PIK3C2G: variants seen among roughly 807,000 people sequenced by gnomAD.
PIK3C2G encodes phosphatidylinositol 3-kinase C2 domain-containing subunit gamma.
PIK3C2G carries 168 observed loss-of-function variants against 181.1 expected under a neutral mutation model. The observed-to-expected ratio is 0.93, with a 90% CI of 0.82 to 1.05. The LOEUF (loss-of-function observed/expected upper bound fraction) is 1.05. Among genes scored for constraint, PIK3C2G ranks in the 50% least tolerant of loss-of-function variants. The pLI, the probability that PIK3C2G is intolerant of heterozygous loss-of-function variation, is 0.00. For missense variants in PIK3C2G, 1,869 were observed against 1,732.8 expected, an observed-to-expected ratio of 1.08 and a Z score of -1.40; for synonymous variants, 573 against 592.2, an observed-to-expected ratio of 0.97 and a Z score of 0.47.
At chr12:18,507,109 A>T (rs1941885188) in intron 24 of PIK3C2G, among the ~76,000 whole-genome samples, 1 of 151,780 alleles carries the variant, frequency 6.6e-6, no homozygotes, top group African/African-American at 2.4e-5. Flanking sequence ...GGATGACTGC[A>T]ACCTCTACCT....
At position 18,647,932 on chromosome 12, in the gene PIK3C2G, G is replaced by A. The variant is rs575019591; in HGVS notation, c.4365G>A (p.Lys1455=). The A allele has an allele frequency of 1.1e-5, 17 of 1,599,022 alleles. No homozygotes were observed. The highest frequency in any genetic ancestry group is 1.4e-5 in the Non-Finnish European group (16 of 1,170,566). Residue 1455 remains lysine (K), a synonymous_variant, in exon 33 of 33, where the codon AAG becomes AAA. Transcript: ENST00000538779. ...GACATGTCTTAATGCTTATTGTGAA[G>A]AGTAAAACTGTATTTGTGGGAGCAA... ...LQGHVLMLIV[K]SKTVFVGAIN...
chr12:18,566,378 T>C (rs2136350452), intron 28 of PIK3C2G, among the ~76,000 whole-genome samples: 1 of 152,294 alleles, frequency 6.6e-6, no homozygotes, highest in African/African-American at 2.4e-5. Context: ...CCATTACCAG[T>C]CATCCCACCT....
intron 26 of PIK3C2G, among the ~76,000 whole-genome samples, chr12:18,554,405 T>C (rs575176333): frequency 2.5e-4 from 38 of 152,230 alleles, no homozygotes; most frequent in Admixed American, 7.2e-4. Context: ...AGGATTCATG[T>C]GACATATCCT....
intron 26 of PIK3C2G, among the ~76,000 whole-genome samples, chr12:18,561,318 A>T (rs74736891): frequency 0.012 from 1,766 of 152,328 alleles, 13 homozygotes; most frequent in African/African-American, 0.028. Context: ...CAATAAAAAA[A>T]TGGAGGTGGG....
At chr12:18,483,657 G>A (rs149404382) in intron 18 of PIK3C2G, among the ~76,000 whole-genome samples, 4 of 150,914 alleles carry the variant, frequency 2.7e-5, no homozygotes, top group Admixed American at 6.6e-5. Flanking sequence ...AATTAGATTT[G>A]CCCCAAAATA....
At chr12:18,378,319 C>G (rs957089402) in intron 13 of PIK3C2G, among the ~76,000 whole-genome samples, 1 of 151,858 alleles carries the variant, frequency 6.6e-6, no homozygotes, top group African/African-American at 2.4e-5. Flanking sequence ...TGAGTTCCCC[C>G]CCCCGTAACT....
chr12:18,600,292 A>T (rs73068383), intron 30 of PIK3C2G, among the ~76,000 whole-genome samples: 4,238 of 150,280 alleles, frequency 0.028, 67 homozygotes, highest in Middle Eastern at 0.059. Flanking sequence ...TTTAGGAATT[A>T]AAAAAAAATC....
rs771052037 is a variant in PIK3C2G, at chr12:18,381,899, G to A, written c.1995+19G>A. On this transcript the variant is annotated intron_variant, in intron 14 of 32. Coordinates refer to ENST00000538779, the MANE Select transcript of PIK3C2G (RefSeq NM_001288772.2). ...CCTGCAGGTAAGTGCCAGGCTAAAA[G>A]ATTAAAGTACACATGGCAAGTATTG... is the stretch of plus-strand genomic sequence containing the variant. 7.2e-7 allele frequency: 1 copy of A among 1,392,980 alleles called. No individual in the cohort carries two copies. Among genetic ancestry groups the A allele is most frequent in the Admixed American group, 1.7e-5 (1 of 59,676 alleles). 86.3% of individuals were successfully genotyped at this position (1,392,980 alleles called of 1,614,324 possible).
intron 11 of PIK3C2G, among the ~76,000 whole-genome samples, chr12:18,359,406 T>C (rs1191836983): frequency 6.6e-6 from 1 of 152,234 alleles, no homozygotes; most frequent in African/African-American, 2.4e-5. Flanking sequence ...ATATGTATTC[T>C]GCTCCTGCTG....
chr12:18,613,257 C>T (rs1202057921), intron 31 of PIK3C2G, among the ~76,000 whole-genome samples: 2 of 151,956 alleles, frequency 1.3e-5, no homozygotes, highest in East Asian at 1.9e-4. Flanking sequence ...AGGTGCTAAA[C>T]ATAACCAATA....
In PIK3C2G at chr12:18,350,740, C is replaced by T. The variant is rs1026212437; in HGVS notation, c.1625+3904C>T. Among the ~76,000 whole-genome samples, 3 of 152,092 alleles carry T rather than the reference C, an allele frequency of 2.0e-5. No homozygotes were observed. In the South Asian group the frequency reaches 6.2e-4, roughly 32 times the overall value. ...AACCAAATATTGGCATAAAGACCAA[C>T]ATAATGGACTCTGAATCAAGAGCAT... On this transcript the variant is annotated intron_variant, in intron 11 of 32. Coordinates refer to ENST00000538779, the MANE Select transcript of PIK3C2G (RefSeq NM_001288772.2).
the PIK3C2G span, among the ~76,000 whole-genome samples, chr12:18,691,974 A>C: frequency 6.6e-6 from 1 of 152,166 alleles, no homozygotes; most frequent in African/African-American, 2.4e-5. Context: ...AGCTGAGATA[A>C]AGTGGCTAGG....
chr12:18,720,902 T>C, the PIK3C2G span, among the ~76,000 whole-genome samples: 1 of 152,052 alleles, frequency 6.6e-6, no homozygotes, highest in African/African-American at 2.4e-5. Context: ...TGTAAGTAAA[T>C]GTTATGACAT....
chr12:18,556,489 T>C (rs573150799), intron 26 of PIK3C2G, among the ~76,000 whole-genome samples: 2 of 152,302 alleles, frequency 1.3e-5, no homozygotes, highest in African/African-American at 4.8e-5. Context: ...GGTATGGGCA[T>C]AGTTGAGATT....
At chr12:18,296,692 A>C (rs566231843) in intron 5 of PIK3C2G, among the ~76,000 whole-genome samples, 3 of 152,052 alleles carry the variant, frequency 2.0e-5, no homozygotes, top group African/African-American at 7.2e-5. Flanking sequence ...TTTTCTCTCA[A>C]TTAAAATATC....
At chr12:18,258,226 A>G (rs73056485), upstream of PIK3C2G, among the ~76,000 whole-genome samples, 1 of 152,022 alleles carries the variant, frequency 6.6e-6, no homozygotes, top group Non-Finnish European at 1.5e-5. Context: ...TGACATATAC[A>G]TTGTGGAGTG....
At chr12:18,640,321 G>T in intron 31 of PIK3C2G, 108 bp from the exon 32 acceptor site, 1 of 834,200 alleles carries the variant, frequency 1.2e-6, no homozygotes, top group South Asian at 2.1e-5. Context: ...TCAACAAAGT[G>T]ACTGTAATAA....
chr12:18,691,626 G>C, the PIK3C2G span, among the ~76,000 whole-genome samples: 1 of 152,120 alleles, frequency 6.6e-6, no homozygotes, highest in Admixed American at 6.6e-5. Context: ...GTGTAGAAAT[G>C]GAAGGGCTCT....
At chr12:18,684,069 T>C in the PIK3C2G span, 2 of 1,573,866 alleles carry the variant, frequency 1.3e-6, no homozygotes, top group East Asian at 4.5e-5. Flanking sequence ...AAAATGTGTC[T>C]TTGATATACA....
Sources: gnomAD v4.1 joint callset for allele counts (sites outside exome capture counted in the v4.1 genomes callset) on GRCh38, gnomAD v4.1.1 for gene constraint, MANE v1.5 for transcripts, NCBI Gene and HGNC (gene_info 2026-07-23, HGNC 2026-07-21) for gene names.